RRP9: variants seen among roughly 807,000 people sequenced by gnomAD.
The protein encoded by RRP9 is U3 small nucleolar RNA-interacting protein 2.
A neutral mutation model predicts 65.5 loss-of-function variants in RRP9; 35 were observed. That is an observed-to-expected ratio of 0.53 (90% confidence interval 0.41 to 0.71). The LOEUF is 0.71. Among genes scored for constraint, RRP9 ranks in the 30% least tolerant of loss-of-function variants. The probability of loss-of-function intolerance (pLI) is 0.00; values close to 1 mark genes in which losing one functional copy is unlikely to be tolerated. For missense variants in RRP9, 533 were observed against 633.6 expected (o/e 0.84, Z 1.70); for synonymous variants, 254 against 245.0 (o/e 1.04, Z -0.34).
In RRP9 at chr3:51,941,781, C is replaced by T. The variant is rs1227986420; in HGVS notation, c.87G>A (p.Lys29=). 2.6e-6 allele frequency: 4 copies of T among 1,558,756 alleles called. No homozygotes were observed. The highest frequency in any genetic ancestry group is 3.4e-6 in the Non-Finnish European group (4 of 1,159,920). ...CGGCCCTCAGAAGCGCCATGCTCAC[C>T]TTTCGCCGCCGCTTGCCGGCCCCCG... ...AGAGAGKRRR[K]ADSAGDRGKS... is the part of the protein sequence containing the mutation. Residue 29 remains lysine, a splice_region_variant and synonymous_variant, in exon 1 of 15, where the codon AAG becomes AAA. Transcript: ENST00000232888.
chr3:51,935,326 TG>T lies in RRP9; in HGVS notation c.971+15del. 1 of 1,614,094 alleles carries T rather than the reference TG, an allele frequency of 6.2e-7. No individual in the cohort carries two copies. The highest frequency in any genetic ancestry group is 8.5e-7 in the Non-Finnish European group (1 of 1,179,952). On this transcript the variant is annotated intron_variant, in intron 10 of 14. Transcript: ENST00000232888. ...CCAGCCCATGTAGCCCCCACTGGCA[TG>T]GCAGGCCACCTTACTGGTGGCCATA...
Position 51,938,139 on chromosome 3 carries a change from T to C in RRP9, c.236A>G (p.Lys79Arg). The stretch of plus-strand genomic sequence containing the variant: ...TAGGTAGAGCTTGGCCAAGCGCAGC[T>C]TCTTTTCCTGTGCAGTTTCCTCCAG... ...EELEETAQEK[K>R]LRLAKLYLEQ... Residue 79 changes from lysine (K) to arginine (R), a missense_variant, in exon 3 of 15, where the codon AAG (lysine) becomes AGG (arginine). Physicochemically the swap from Lys to Arg is conservative, Grantham distance 26. Transcript: ENST00000232888. 1 of 1,608,356 alleles carries C rather than the reference T, an allele frequency of 6.2e-7. No individual in the cohort carries two copies. The highest frequency in any genetic ancestry group is 2.2e-5 in the East Asian group (1 of 44,800).
rs1699435468 is a variant in RRP9, at chr3:51,934,904, A to G, written c.1035-128T>C. The G allele has an allele frequency of 9.6e-7, 1 of 1,044,572 alleles. No homozygotes were observed. The highest frequency in any genetic ancestry group is 2.5e-5 in the East Asian group (1 of 39,450). 64.7% of individuals were successfully genotyped at this position (1,044,572 alleles called of 1,614,324 possible). A position where few individuals can be genotyped will look rare whatever the true frequency, so the allele number is the denominator to read the frequency against. Reference sequence around the variant, plus strand: ...CCATGATGTGATTATTACATATTGCATGCCTGTATCAAAACATCTCAAGTA... The same window carrying G: ...CCATGATGTGATTATTACATATTGCGTGCCTGTATCAAAACATCTCAAGTA... On this transcript the variant is annotated intron_variant, in intron 11 of 14. Coordinates refer to ENST00000232888, the MANE Select transcript of RRP9 (RefSeq NM_004704.5). The surrounding 1 kb of genome is among the most constrained non-coding windows in gnomAD (Gnocchi z 4.1).
Position 51,937,647 on chromosome 3 carries a change from C to T in RRP9, c.348+22G>A, listed in dbSNP as rs776060691. 1.9e-6 allele frequency: 3 copies of T among 1,614,096 alleles called. No homozygotes were observed. The highest frequency in any genetic ancestry group is 2.5e-6 in the Non-Finnish European group (3 of 1,180,038). Reference sequence around the variant, plus strand: ...AGATCAGCTCCACCCCCGTCCTCCCCCAACTCTCCCTCCACACTTACCACA... The same window carrying T: ...AGATCAGCTCCACCCCCGTCCTCCCTCAACTCTCCCTCCACACTTACCACA... On this transcript the variant is annotated intron_variant, in intron 4 of 14. Transcript: ENST00000232888. The surrounding 1 kb of genome is among the most constrained non-coding windows in gnomAD (Gnocchi z 5.0).
At position 51,936,276 on chromosome 3, in the gene RRP9, C is replaced by G; in HGVS notation, c.716G>C (p.Gly239Ala). 1.2e-6 allele frequency: 2 copies of G among 1,614,182 alleles called. No individual in the cohort carries two copies. Among genetic ancestry groups the G allele is most frequent in the South Asian group, 2.2e-5 (2 of 91,078 alleles). The change falls in exon 8 of 15, where the codon GGA becomes GCA. Residue 239 changes from glycine (G) to alanine (A), a missense_variant. Physicochemically the swap from Gly to Ala is moderately conservative, Grantham distance 60 (BLOSUM62 0). Transcript: ENST00000232888. ...CCTCACCGACACTGCATCCCGGTGTCCTGTGAAGGTGTACAAGTGCTGGCA... is the reference window on the plus strand; with the variant it reads ...CCTCACCGACACTGCATCCCGGTGTGCTGTGAAGGTGTACAAGTGCTGGCA... ...QSCQHLYTFT[G>A]HRDAVSGLAF...
chr3:51,936,127 ACCACTCGCTAC>A (rs1326661537), intron 8 of RRP9, 119 bp downstream of exon 8: 3 of 812,708 alleles, frequency 3.7e-6, no homozygotes, highest in Non-Finnish European at 6.1e-6. Flanking sequence ...ATTTTACAGC[ACCACTCGCTAC>A]CCACTCGCTA....
Position 51,936,550 on chromosome 3 carries a change from C to T in RRP9, c.523G>A (p.Val175Met), listed in dbSNP as rs759528694. The change falls in exon 7 of 15, where the codon GTG becomes ATG. Residue 175 changes from valine (V) to methionine (M), a missense_variant. Coordinates refer to ENST00000232888, the MANE Select transcript of RRP9 (RefSeq NM_004704.5). ...ACATGCAGCTTCCGTCCACTCTCCA[C>T]GCTCCCTGCAGTTGGGGGTGGGGGA... ...AKDCSIIKWS[V>M]ESGRKLHVIP... 4.3e-6 allele frequency: 7 copies of T among 1,613,922 alleles called. No individual in the cohort carries two copies. The highest frequency in any genetic ancestry group is 3.3e-4 in the Middle Eastern group (2 of 5,972).
intron 8 of RRP9, 99 bp downstream of exon 8, chr3:51,936,158 G>A: frequency 2.7e-6 from 3 of 1,115,276 alleles, no homozygotes; most frequent in Non-Finnish European, 4.1e-6. Context: ...ACCCCAGGAT[G>A]CAGGTTCCCT....
At position 51,933,466 on chromosome 3, in the gene RRP9, G is replaced by A; in HGVS notation, c.*40C>T. ...AGGCTTTTAATACAAAGAGGGTGGG[G>A]CATAGCCTGGGAAGGACTTAAATAA... On this transcript the variant is annotated 3_prime_UTR_variant, in exon 15 of 15. Transcript: ENST00000232888. 2.0e-6 allele frequency: 3 copies of A among 1,520,726 alleles called. No individual in the cohort carries two copies. The highest frequency in any genetic ancestry group is 2.7e-6 in the Non-Finnish European group (3 of 1,096,640). The allele number at this position is 1,520,726 out of a possible 1,614,324, so 94.2% of individuals were successfully genotyped here.
chr3:51,933,618 G>A lies in RRP9; in HGVS notation c.1335-19C>T, dbSNP rs748880296. 8 of 1,612,560 alleles carry A rather than the reference G, an allele frequency of 5.0e-6. No homozygotes were observed. Among genetic ancestry groups the A allele is most frequent in the African/African-American group, 1.3e-5 (1 of 74,952 alleles). On this transcript the variant is annotated intron_variant, in intron 14 of 14. Coordinates refer to ENST00000232888, the MANE Select transcript of RRP9 (RefSeq NM_004704.5). ...GCCAAGCCTGCAGGGAGTGCAAGAC[G>A]CAGCTGAGACTCGGCCCAGTCTCCA...
At chr3:51,939,125 C>CATCT (rs1201094240) in intron 2 of RRP9, among the ~76,000 whole-genome samples, 1 of 152,230 alleles carries the variant, frequency 6.6e-6, no homozygotes, top group Non-Finnish European at 1.5e-5. Flanking sequence ...TGCCTGAAGA[C>CATCT]ATCTAGTCTC....
intron 14 of RRP9, 23 bp from the exon 15 acceptor site, chr3:51,933,622 C>G (rs1699416023): frequency 6.2e-7 from 1 of 1,612,656 alleles, no homozygotes; most frequent in African/African-American, 1.3e-5. Context: ...CAAGACGCAG[C>G]TGAGACTCGG....
intron 3 of RRP9, 52 bp downstream of exon 3, chr3:51,938,043 A>C: frequency 7.0e-7 from 1 of 1,425,782 alleles, no homozygotes; most frequent in Non-Finnish European, 9.5e-7. Context: ...GGCGGGCAGC[A>C]GACCAGCACA....
intron 2 of RRP9, among the ~76,000 whole-genome samples, chr3:51,941,155 T>C (rs1304741452): frequency 1.3e-5 from 2 of 152,202 alleles, no homozygotes; most frequent in African/African-American, 2.4e-5. Context: ...TCCTGCAATT[T>C]CTCAATCAGT....
At chr3:51,938,534 G>A (rs1246836643) in intron 2 of RRP9, among the ~76,000 whole-genome samples, 1 of 152,166 alleles carries the variant, frequency 6.6e-6, no homozygotes, top group Non-Finnish European at 1.5e-5. Flanking sequence ...AAAATGTGCA[G>A]GCATCTCAAC....
At chr3:51,938,038 G>T in intron 3 of RRP9, 57 bp downstream of exon 3, 1 of 1,391,700 alleles carries the variant, frequency 7.2e-7, no homozygotes, top group Non-Finnish European at 9.8e-7. Context: ...GCAGCGGCGG[G>T]CAGCAGACCA....
At position 51,937,628 on chromosome 3, in the gene RRP9, G is replaced by T; in HGVS notation, c.348+41C>A. 1 of 1,614,160 alleles carries T rather than the reference G, an allele frequency of 6.2e-7. No homozygotes were observed. The highest frequency in any genetic ancestry group is 8.5e-7 in the Non-Finnish European group (1 of 1,180,016). On this transcript the variant is annotated intron_variant, in intron 4 of 14. Coordinates refer to ENST00000232888, the MANE Select transcript of RRP9 (RefSeq NM_004704.5). This position sits in a 1 kb window ranked among gnomAD's most constrained non-coding sequence, Gnocchi z 5.0. ...TGGATGAGACCCTGGGAGCAGATCA[G>T]CTCCACCCCCGTCCTCCCCCAACTC...
intron 2 of RRP9, among the ~76,000 whole-genome samples, chr3:51,939,961 A>G (rs562814065): frequency 6.6e-6 from 1 of 152,358 alleles, no homozygotes; most frequent in South Asian, 2.1e-4. Context: ...TCGGATTAAG[A>G]AAAGTACATT....
In RRP9 at chr3:51,937,268, G is replaced by C. The variant is rs181547126; in HGVS notation, c.441C>G (p.Leu147=). The change falls in exon 6 of 15, where the codon CTC becomes CTG. Residue 147 remains leucine, a synonymous_variant. Transcript: ENST00000232888. The surrounding 1 kb of genome is among the most constrained non-coding windows in gnomAD (Gnocchi z 5.0). The part of the protein sequence containing the change: ...ADIRVLRGHQ[L]SITCLVVTPD... ...GGGTGACGACCAAACATGTGATAGA[G>C]AGCTGGTGCCCCCGTAAAACGCGAA... The C allele has an allele frequency of 1.3e-4, 217 of 1,614,174 alleles. No individual in the cohort carries two copies. Among genetic ancestry groups the C allele is most frequent in the East Asian group, 4.9e-4 (22 of 44,882 alleles).
Sources: allele counts gnomAD v4.1 joint callset (sites outside exome capture counted in the v4.1 genomes callset), GRCh38; gene constraint gnomAD v4.1.1; non-coding constraint Gnocchi (gnomAD v3.1); transcripts MANE v1.5; gene names NCBI Gene and HGNC (gene_info 2026-07-23, HGNC 2026-07-21).